COL8A1: variants seen among roughly 807,000 people sequenced by gnomAD.
COL8A1 encodes the protein collagen type VIII alpha 1 chain.
A neutral mutation model predicts 42.7 loss-of-function variants in COL8A1; 21 were observed. The observed-to-expected ratio is 0.49, with a 90% CI of 0.35 to 0.71. The LOEUF is 0.71. Ranked by LOEUF, COL8A1 falls within the 30% of genes least tolerant of loss-of-function variation. The pLI is 0.01. For missense variants in COL8A1, 788 were observed against 962.4 expected (o/e 0.82, Z 2.40); for synonymous variants, 367 against 369.1 (o/e 0.99, Z 0.06).
intron 1 of COL8A1, among the ~76,000 whole-genome samples, chr3:99,651,282 C>A (rs184262703): frequency 1.0e-3 from 156 of 152,312 alleles, no homozygotes; most frequent in African/African-American, 3.6e-3. Context: ...TCAATATGAC[C>A]ATTTCTACAG....
intron 1 of COL8A1, among the ~76,000 whole-genome samples, chr3:99,644,463 T>C (rs948373376): frequency 5.9e-5 from 9 of 152,222 alleles, no homozygotes; most frequent in African/African-American, 2.2e-4. Context: ...CAGGAAAGAA[T>C]ATTCTTGTAT....
At chr3:99,662,196 T>A (rs183064782) in intron 1 of COL8A1, among the ~76,000 whole-genome samples, 182 of 152,150 alleles carry the variant, frequency 1.2e-3, no homozygotes, top group Non-Finnish European at 8.8e-4. Context: ...CTGGCCAACA[T>A]GGTGAAACCC....
At chr3:99,671,116 A>G (rs1221063905) in intron 1 of COL8A1, among the ~76,000 whole-genome samples, 1 of 152,014 alleles carries the variant, frequency 6.6e-6, no homozygotes, top group Non-Finnish European at 1.5e-5. Flanking sequence ...AAGAATATGG[A>G]GCATGAACTA....
intron 1 of COL8A1, among the ~76,000 whole-genome samples, chr3:99,725,783 A>G (rs1940297300): frequency 6.6e-6 from 1 of 151,810 alleles, no homozygotes; most frequent in African/African-American, 2.4e-5. Context: ...CATGGTGCAT[A>G]TGTGCAACAT....
rs140600057 is a variant in COL8A1 at position 99,731,370 on chromosome 3, G to A, written c.-128-13527G>A. 6.6e-4 allele frequency among the ~76,000 whole-genome samples: 101 copies of A among 152,254 alleles called. 1 individual carries two copies. Among genetic ancestry groups the A allele is most frequent in the Admixed American group, 1.5e-3 (23 of 15,278 alleles). The stretch of plus-strand genomic sequence containing the variant: ...GCATTATAGACAGAGGAATGGCAAA[G>A]CCCTATAAGTAAGGATCAGCTCTCT... On this transcript the variant is annotated intron_variant, in intron 1 of 3. Coordinates refer to ENST00000652472, the MANE Select transcript of COL8A1 (RefSeq NM_020351.4).
chr3:99,756,077 A>T (rs1941248218), intron 2 of COL8A1, among the ~76,000 whole-genome samples: 1 of 151,908 alleles, frequency 6.6e-6, no homozygotes, highest in South Asian at 2.1e-4. Context: ...CATTAAAGAG[A>T]TCATAAAACT....
chr3:99,740,887 A>G (rs1057361147), intron 1 of COL8A1, among the ~76,000 whole-genome samples: 2 of 152,178 alleles, frequency 1.3e-5, no homozygotes, highest in Non-Finnish European at 2.9e-5. Flanking sequence ...AATTTATTTA[A>G]CTGTATTGAT....
intron 2 of COL8A1, among the ~76,000 whole-genome samples, chr3:99,758,806 T>C (rs1280474409): frequency 1.3e-5 from 2 of 152,168 alleles, no homozygotes; most frequent in East Asian, 1.9e-4. Flanking sequence ...CTTAATTCCC[T>C]GCACCTACCA....
intron 2 of COL8A1, among the ~76,000 whole-genome samples, chr3:99,781,579 T>C (rs955750534): frequency 2.0e-5 from 3 of 152,240 alleles, no homozygotes; most frequent in African/African-American, 4.8e-5. Flanking sequence ...ATTTTTACGA[T>C]GTCCACTTTA....
chr3:99,710,062 C>T lies in COL8A1; in HGVS notation c.-128-34835C>T, dbSNP rs113099082. On this transcript the variant is annotated intron_variant, in intron 1 of 3. Coordinates refer to ENST00000652472, the MANE Select transcript of COL8A1 (RefSeq NM_020351.4). ...ACACTCATTCAAATGCCATTTAACT[C>T]TGCATTTCATCAAGAGTATGCATGC... 4.5e-3 allele frequency among the ~76,000 whole-genome samples: 682 copies of T among 152,306 alleles called. 4 individuals carry two copies. Among genetic ancestry groups the T allele is most frequent in the African/African-American group, 0.015 (642 of 41,568 alleles).
At chr3:99,742,879 A>G (rs1444462299) in intron 1 of COL8A1, among the ~76,000 whole-genome samples, 1 of 152,122 alleles carries the variant, frequency 6.6e-6, no homozygotes, top group Non-Finnish European at 1.5e-5. Flanking sequence ...AACTAGAAAG[A>G]AAAAAAATGA....
intron 1 of COL8A1, among the ~76,000 whole-genome samples, chr3:99,685,265 A>G (rs1939016010): frequency 1.3e-5 from 2 of 152,204 alleles, no homozygotes; most frequent in Admixed American, 1.3e-4. Flanking sequence ...AAGAATTTAC[A>G]TGCTTTTGGT....
At chr3:99,785,090 C>T (rs1459454750) in intron 2 of COL8A1, among the ~76,000 whole-genome samples, 1 of 152,138 alleles carries the variant, frequency 6.6e-6, no homozygotes, top group Non-Finnish European at 1.5e-5. Context: ...ATGTGCACCT[C>T]CATATGTGAA....
chr3:99,650,160 G>A (rs1335842163), intron 1 of COL8A1, among the ~76,000 whole-genome samples: 2 of 152,004 alleles, frequency 1.3e-5, no homozygotes, highest in African/African-American at 4.8e-5. Flanking sequence ...TACAGAAAAT[G>A]TCCCCCATTC....
intron 1 of COL8A1, among the ~76,000 whole-genome samples, chr3:99,719,888 TC>T (rs1271814416): frequency 6.6e-6 from 1 of 152,094 alleles, no homozygotes; most frequent in East Asian, 1.9e-4. Flanking sequence ...GACATGGGCT[TC>T]GGAATGATCA....
intron 1 of COL8A1, among the ~76,000 whole-genome samples, chr3:99,651,109 C>A (rs1202704348): frequency 6.6e-6 from 1 of 152,010 alleles, no homozygotes; most frequent in Admixed American, 6.6e-5. Context: ...GCTTAAAATC[C>A]CTCAGAATGA....
chr3:99,691,289 G>A (rs1477238447), intron 1 of COL8A1: 1 of 152,172 alleles, frequency 6.6e-6, no homozygotes, highest in Non-Finnish European at 1.5e-5. Flanking sequence ...TATGAGAGAT[G>A]TAGCAAGTGA....
intron 2 of COL8A1, among the ~76,000 whole-genome samples, chr3:99,773,041 T>G (rs769403082): frequency 6.6e-6 from 1 of 152,170 alleles, no homozygotes; most frequent in Non-Finnish European, 1.5e-5. Flanking sequence ...CTCATTTCCT[T>G]GTCTTCAAAA....
chr3:99,719,655 G>A (rs1399640714), intron 1 of COL8A1, among the ~76,000 whole-genome samples: 1 of 152,104 alleles, frequency 6.6e-6, no homozygotes, highest in Non-Finnish European at 1.5e-5. Context: ...GCATGAGTAA[G>A]TGTTAGCCAG....
Sources: allele counts gnomAD v4.1 joint callset (sites outside exome capture counted in the v4.1 genomes callset), GRCh38; gene constraint gnomAD v4.1.1; transcripts MANE v1.5; gene names NCBI Gene and HGNC (gene_info 2026-07-23, HGNC 2026-07-21).